Variants in FBXW4 observed in about 807,000 individuals in gnomAD.
The protein encoded by FBXW4 is F-box and WD repeat domain containing 4, also known as F-box/WD repeat-containing protein 4.
In FBXW4, 40 loss-of-function variants were observed where a neutral mutation model predicts 61.8. That is an observed-to-expected ratio of 0.65 (90% confidence interval 0.50 to 0.84). FBXW4 has a LOEUF of 0.84. FBXW4 is among the 40% of genes least tolerant of loss of function. The probability of loss-of-function intolerance (pLI) is 0.00; values close to 1 mark genes in which losing one functional copy is unlikely to be tolerated. For synonymous variants in FBXW4, 311 were observed against 313.8 expected (o/e 0.99, Z 0.10); for missense variants, 672 against 753.8 (o/e 0.89, Z 1.27).
At chr10:101,645,768 G>A (rs934972055) in intron 5 of FBXW4, among the ~76,000 whole-genome samples, 2 of 152,176 alleles carry the variant, frequency 1.3e-5, no homozygotes, top group Admixed American at 6.5e-5. Flanking sequence ...AACAATTCAA[G>A]ATAATCAACA....
intron 1 of FBXW4, among the ~76,000 whole-genome samples, chr10:101,685,510 A>G (rs903083243): frequency 2.0e-5 from 3 of 152,238 alleles, no homozygotes; most frequent in Admixed American, 6.5e-5. Flanking sequence ...TGCCCATGAT[A>G]CAATTTGCTG....
intron 1 of FBXW4, among the ~76,000 whole-genome samples, chr10:101,691,792 A>AAG (rs2064606725): frequency 6.6e-6 from 1 of 152,204 alleles, no homozygotes; most frequent in Non-Finnish European, 1.5e-5. Flanking sequence ...ATGAGAAAGG[A>AAG]AGAGAATAAA....
chr10:101,633,587 A>G (rs2063976201), intron 5 of FBXW4, among the ~76,000 whole-genome samples: 1 of 152,210 alleles, frequency 6.6e-6, no homozygotes, highest in African/African-American at 2.4e-5. Flanking sequence ...CCCAGAACTT[A>G]AAGTATAATA....
At chr10:101,628,002 G>A (rs549622595) in intron 5 of FBXW4, 19 of 985,282 alleles carry the variant, frequency 1.9e-5, no homozygotes, top group Admixed American at 6.1e-5. Flanking sequence ...ATTTGAATCC[G>A]CGAGATGTCT....
intron 5 of FBXW4, among the ~76,000 whole-genome samples, chr10:101,650,341 C>A (rs2064135743): frequency 2.0e-5 from 3 of 152,186 alleles, no homozygotes; most frequent in Admixed American, 2.0e-4. Flanking sequence ...TCTGTCTGGT[C>A]TCTATTCTCT....
chr10:101,652,368 T>C (rs985494120), intron 5 of FBXW4, among the ~76,000 whole-genome samples: 2 of 152,134 alleles, frequency 1.3e-5, no homozygotes, highest in African/African-American at 4.8e-5. Flanking sequence ...CTCTCTTGCT[T>C]CGCCCTGGAT....
intron 5 of FBXW4, among the ~76,000 whole-genome samples, chr10:101,639,569 A>G (rs1185153340): frequency 1.3e-5 from 2 of 152,162 alleles, no homozygotes; most frequent in East Asian, 3.8e-4. Flanking sequence ...TTCCTGAGAG[A>G]TCCACCATGT....
intron 1 of FBXW4, among the ~76,000 whole-genome samples, chr10:101,682,155 A>G (rs2064485322): frequency 6.6e-6 from 1 of 152,248 alleles, no homozygotes; most frequent in South Asian, 2.1e-4. Context: ...TGTGACTCTA[A>G]TAATCATTCG....
At chr10:101,615,765 A>G (rs1391505586) in intron 6 of FBXW4, among the ~76,000 whole-genome samples, 2 of 152,112 alleles carry the variant, frequency 1.3e-5, no homozygotes, top group Non-Finnish European at 2.9e-5. Context: ...GGCTGGCCCT[A>G]AAAACCTGGA....
At chr10:101,678,539 C>T (rs978023320) in intron 1 of FBXW4, among the ~76,000 whole-genome samples, 1 of 152,220 alleles carries the variant, frequency 6.6e-6, no homozygotes, top group Admixed American at 6.5e-5. Context: ...CACTCTCCTG[C>T]CTCAGTCTCC....
At chr10:101,632,743 CTGTTCCATG>C (rs1176181643) in intron 5 of FBXW4, among the ~76,000 whole-genome samples, 3 of 152,192 alleles carry the variant, frequency 2.0e-5, no homozygotes, top group African/African-American at 7.2e-5. Flanking sequence ...CCTTAAACAA[CTGTTCCATG>C]TGCTCCTAAA....
intron 5 of FBXW4, among the ~76,000 whole-genome samples, chr10:101,633,575 A>ACC (rs1033985961): frequency 1.3e-5 from 2 of 152,328 alleles, no homozygotes; most frequent in African/African-American, 4.8e-5. Flanking sequence ...CTGTACATGT[A>ACC]CCCCAGAACT....
chr10:101,624,890 T>C lies in FBXW4; in HGVS notation c.1236-80A>G, dbSNP rs1381119090. ...AAATGGCTAACAATGGGAAATGCCG[T>C]GCTCATTCCCTAGGGGATTGTGGGT... On this transcript the variant is annotated intron_variant, in intron 5 of 8. Transcript: ENST00000331272. 6.2e-6 allele frequency: 9 copies of C among 1,460,194 alleles called. No homozygotes were observed. In the East Asian group the frequency reaches 2.0e-4, roughly 33 times the overall value. The allele number at this position is 1,460,194 out of a possible 1,614,324, so 90.5% of individuals were successfully genotyped here. A position where few individuals can be genotyped will look rare whatever the true frequency, so the allele number is the denominator to read the frequency against.
intron 5 of FBXW4, among the ~76,000 whole-genome samples, chr10:101,661,501 A>T (rs1236791740): frequency 1.3e-5 from 2 of 152,152 alleles, no homozygotes; most frequent in African/African-American, 4.8e-5. Flanking sequence ...CTCCAAATCA[A>T]TGACATCCCC....
At chr10:101,657,813 T>C (rs557452832) in intron 5 of FBXW4, among the ~76,000 whole-genome samples, 3 of 152,296 alleles carry the variant, frequency 2.0e-5, no homozygotes, top group East Asian at 1.9e-4. Context: ...GATGCATGTA[T>C]TCTTTATTGT....
intron 1 of FBXW4, among the ~76,000 whole-genome samples, chr10:101,679,099 T>G (rs1379541437): frequency 6.6e-6 from 1 of 152,188 alleles, no homozygotes; most frequent in Non-Finnish European, 1.5e-5. Context: ...TAAGTATATA[T>G]GCATGTTGCC....
intron 1 of FBXW4, among the ~76,000 whole-genome samples, chr10:101,680,579 G>A (rs953130661): frequency 2.0e-5 from 3 of 152,028 alleles, no homozygotes; most frequent in African/African-American, 4.8e-5. Context: ...ATAAAACATT[G>A]GAGGAAACAT....
intron 5 of FBXW4, among the ~76,000 whole-genome samples, chr10:101,640,478 CTTTCTCTTTTTTTTT>C (rs1279344125): frequency 9.1e-6 from 1 of 110,182 alleles, no homozygotes; most frequent in African/African-American, 3.2e-5. Flanking sequence ...TTCTTTCTTT[CTTTCTCTTTTTTTTT>C]TTTTTTTTTT....
In FBXW4 at chr10:101,612,424, A is replaced by G; in HGVS notation, c.1355T>C (p.Leu452Pro). Reference protein sequence around the residue: ...GSDFPPGAGVLDVMYESPFTL... With the variant: ...GSDFPPGAGVPDVMYESPFTL... Reference sequence around the variant, plus strand: ...GAAAGGGGACTCATACATGACATCCAGCACCCCAGCCCCTGGGGGAAAGTC... The same window carrying G: ...GAAAGGGGACTCATACATGACATCCGGCACCCCAGCCCCTGGGGGAAAGTC... The change falls in exon 7 of 9, where the codon CTG becomes CCG. Residue 452 changes from leucine (L) to proline (P), a missense_variant. Coordinates refer to ENST00000331272, the MANE Select transcript of FBXW4 (RefSeq NM_022039.4). 6.3e-7 allele frequency: 1 copy of G among 1,597,710 alleles called. No individual in the cohort carries two copies. The highest frequency in any genetic ancestry group is 8.5e-7 in the Non-Finnish European group (1 of 1,171,682).
Sources: allele counts gnomAD v4.1 joint callset (sites outside exome capture counted in the v4.1 genomes callset), GRCh38; gene constraint gnomAD v4.1.1; transcripts MANE v1.5; gene names NCBI Gene and HGNC (gene_info 2026-07-23, HGNC 2026-07-21).